SPIRE2: variants seen among roughly 807,000 people sequenced by gnomAD.
SPIRE2 encodes protein spire homolog 2.
A neutral mutation model predicts 80.7 loss-of-function variants in SPIRE2; 76 were observed. That is an observed-to-expected ratio of 0.94 (90% CI 0.78 to 1.14). The LOEUF (loss-of-function observed/expected upper bound fraction) is 1.14, where lower values mean the gene tolerates loss of function less well. Among genes scored for constraint, SPIRE2 ranks in the 50% most tolerant of loss-of-function variants. The probability of loss-of-function intolerance (pLI) is 0.00; values close to 1 mark genes in which losing one functional copy is unlikely to be tolerated. For synonymous variants in SPIRE2, 535 were observed against 432.6 expected (o/e 1.24, Z -2.94); for missense variants, 1,196 against 1,015.3 (o/e 1.18, Z -2.42).
intron 12 of SPIRE2, among the ~76,000 whole-genome samples, chr16:89,865,530 T>C (rs867394835): frequency 2.0e-5 from 3 of 151,626 alleles, no homozygotes; most frequent in Non-Finnish European, 4.4e-5. Context: ...CAAAAAAAGG[T>C]AGGAAAAGAA....
rs760594646 is a variant in SPIRE2 at position 89,870,078 on chromosome 16, G to A, written c.1951G>A (p.Val651Met). ...QSLQGPQWQS[V>M]EEAFPHIYSH... ...TCTGCAAGGGCCACAGTGGCAGAGCGTGGAGGAGGCGTTCCCCCACATCTA... is the reference window on the plus strand; with the variant it reads ...TCTGCAAGGGCCACAGTGGCAGAGCATGGAGGAGGCGTTCCCCCACATCTA... Residue 651 changes from valine (V) to methionine (M), a missense_variant, in exon 15 of 15, where the codon GTG becomes ATG. Transcript: ENST00000378247. The A allele has an allele frequency of 2.4e-5, 39 of 1,613,152 alleles. No individual in the cohort carries two copies. Among genetic ancestry groups the A allele is most frequent in the South Asian group, 1.1e-4 (10 of 90,912 alleles).
At chr16:89,861,728 A>T (rs1463460732) in intron 10 of SPIRE2, among the ~76,000 whole-genome samples, 1 of 152,202 alleles carries the variant, frequency 6.6e-6, no homozygotes, top group African/African-American at 2.4e-5. Flanking sequence ...GAAGGGTCAA[A>T]TCGGGGCTGG....
chr16:89,860,393 G>A (rs955217819), intron 9 of SPIRE2, among the ~76,000 whole-genome samples: 1 of 152,078 alleles, frequency 6.6e-6, no homozygotes, highest in Non-Finnish European at 1.5e-5. Context: ...TGAGTAGCTA[G>A]GACTACCGAC....
intron 10 of SPIRE2, 129 bp downstream of exon 10, chr16:89,860,924 T>TG (rs764225969): frequency 2.2e-4 from 125 of 580,542 alleles, no homozygotes; most frequent in Non-Finnish European, 3.1e-4. Context: ...AGCGTCCGTC[T>TG]GGGGGGGCGC....
Position 89,869,044 on chromosome 16 carries a change from AAAAAAAAAAATATATAT to A in SPIRE2, c.1807-521_1807-505del, listed in dbSNP as rs1389254668. On this transcript the variant is annotated intron_variant, in intron 13 of 14. Coordinates refer to ENST00000378247, the MANE Select transcript of SPIRE2 (RefSeq NM_032451.2). ...AGATCTGTGTCTTAAAAAAAAAAAA[AAAAAAAAAAATATATAT>A]ATATATATATATATGTTACCCCTCA... Among the ~76,000 whole-genome samples, 37 of 81,720 alleles carry A rather than the reference AAAAAAAAAAATATATAT, an allele frequency of 4.5e-4. 3 individuals are homozygous for A. The highest frequency in any genetic ancestry group is 1.8e-3 in the African/African-American group (34 of 18,532). The allele number at this position is 81,720 out of a possible 152,430, so 53.6% of individuals were successfully genotyped here.
intron 6 of SPIRE2, 140 bp from the exon 7 acceptor site, chr16:89,855,973 G>C: frequency 7.0e-7 from 1 of 1,427,286 alleles, no homozygotes; most frequent in Non-Finnish European, 9.3e-7. Flanking sequence ...CTCCGGGTGG[G>C]CCTGGCAGGC....
chr16:89,864,627 G>A (rs1044053701), intron 12 of SPIRE2, among the ~76,000 whole-genome samples: 3 of 152,210 alleles, frequency 2.0e-5, no homozygotes, highest in Non-Finnish European at 4.4e-5. Flanking sequence ...ACCGGCCACA[G>A]GCAGAAATGT....
At chr16:89,865,053 C>T (rs1288840667) in intron 12 of SPIRE2, among the ~76,000 whole-genome samples, 1 of 142,116 alleles carries the variant, frequency 7.0e-6, no homozygotes, top group Non-Finnish European at 1.5e-5. Flanking sequence ...GGCGCCCAGG[C>T]TGGAGTGCAG....
intron 7 of SPIRE2, among the ~76,000 whole-genome samples, chr16:89,856,591 C>T (rs1261205057): frequency 5.3e-5 from 8 of 149,860 alleles, no homozygotes; most frequent in African/African-American, 7.4e-5. Flanking sequence ...ATTACAGGCA[C>T]GTGCCACCAC....
intron 7 of SPIRE2, 107 bp downstream of exon 7, chr16:89,856,343 C>A: frequency 1.6e-6 from 2 of 1,269,918 alleles, no homozygotes; most frequent in Admixed American, 2.9e-5. Context: ...CTGAGGGCGC[C>A]TGAACCCATG....
intron 1 of SPIRE2, among the ~76,000 whole-genome samples, chr16:89,838,805 A>C (rs1432549675): frequency 6.6e-6 from 1 of 152,084 alleles, no homozygotes; most frequent in Non-Finnish European, 1.5e-5. Flanking sequence ...CTCCTCCTGC[A>C]CTCAGGGGCT....
intron 1 of SPIRE2, among the ~76,000 whole-genome samples, chr16:89,835,825 A>G (rs1161591962): frequency 6.6e-6 from 1 of 152,084 alleles, no homozygotes; most frequent in African/African-American, 2.4e-5. Context: ...CCTTCATTCC[A>G]GCGCGTGTGT....
intron 13 of SPIRE2, among the ~76,000 whole-genome samples, chr16:89,868,908 G>A (rs1018891672): frequency 2.7e-5 from 4 of 150,628 alleles, no homozygotes; most frequent in Admixed American, 6.7e-5. Flanking sequence ...GCTCATGCCT[G>A]CAGTTCCTGC....
rs764248454 is a variant in SPIRE2 at position 89,860,747 on chromosome 16, G to T, written c.1527G>T (p.Gly509=). The T allele has an allele frequency of 1.3e-6, 2 of 1,581,208 alleles. No homozygotes were observed. The highest frequency in any genetic ancestry group is 1.7e-6 in the Non-Finnish European group (2 of 1,164,750). Residue 509 remains glycine, a synonymous_variant, in exon 10 of 15, where the codon GGG becomes GGT. Coordinates refer to ENST00000378247, the MANE Select transcript of SPIRE2 (RefSeq NM_032451.2). ...TACTCAGCAACCGGGGCTCCTCGGGGGACAGACCCGAGGCCTCCATGACCC... is the reference window on the plus strand; with the variant it reads ...TACTCAGCAACCGGGGCTCCTCGGGTGACAGACCCGAGGCCTCCATGACCC... ...HPLLSNRGSS[G]DRPEASMTPD...
Position 89,850,299 on chromosome 16 carries a change from C to G in SPIRE2, c.289-5C>G, listed in dbSNP as rs755006899. On this transcript the variant is annotated splice_region_variant and splice_polypyrimidine_tract_variant and intron_variant, in intron 2 of 14. Transcript: ENST00000378247. ...CCGCCCAGTGACCGCGCCCCTGTCC[C>G]GCAGACCGTGCAGTCCCTCGGCTTC... The G allele has an allele frequency of 1.0e-5, 16 of 1,601,470 alleles. No individual in the cohort carries two copies. Among genetic ancestry groups the G allele is most frequent in the Non-Finnish European group, 1.4e-5 (16 of 1,177,432 alleles).
chr16:89,830,144 C>T (rs1359438547), intron 1 of SPIRE2, among the ~76,000 whole-genome samples: 1 of 151,174 alleles, frequency 6.6e-6, no homozygotes, highest in Non-Finnish European at 1.5e-5. Context: ...GTGCGGGAGC[C>T]CAGCCGCCTG....
chr16:89,841,734 G>A (rs2041507810), intron 1 of SPIRE2, among the ~76,000 whole-genome samples: 1 of 151,232 alleles, frequency 6.6e-6, no homozygotes, highest in South Asian at 2.1e-4. Flanking sequence ...TTTTGCTTTT[G>A]TTACCCAGGC....
At chr16:89,859,097 A>T (rs2041719034) in intron 8 of SPIRE2, 68 bp from the exon 9 acceptor site, 2 of 1,407,306 alleles carry the variant, frequency 1.4e-6, no homozygotes, top group East Asian at 2.6e-5. Flanking sequence ...CCTCTGCTTC[A>T]TTCCAGGCAT....
chr16:89,870,811 C>G lies in SPIRE2; in HGVS notation c.*539C>G, dbSNP rs973813258. ...CACCTGTTTGAAAGGTCTGGCCAGG[C>G]GTGGTGGTTCAGGCCTGTAATTCCA... On this transcript the variant is annotated 3_prime_UTR_variant, in exon 15 of 15. Transcript: ENST00000378247. The G allele has an allele frequency of 6.4e-6, 1 of 157,268 alleles. No individual in the cohort carries two copies. Among genetic ancestry groups the G allele is most frequent in the South Asian group, 1.8e-4 (1 of 5,444 alleles). 9.7% of individuals were successfully genotyped at this position (157,268 alleles called of 1,614,324 possible). A position where few individuals can be genotyped will look rare whatever the true frequency, so the allele number is the denominator to read the frequency against.
Sources: allele counts gnomAD v4.1 joint callset (sites outside exome capture counted in the v4.1 genomes callset), GRCh38; gene constraint gnomAD v4.1.1; transcripts MANE v1.5; gene names NCBI Gene and HGNC (gene_info 2026-07-23, HGNC 2026-07-21).